The following VPS13C variants were observed in gnomAD, a reference collection of about 807,000 sequenced individuals.
VPS13C encodes the protein intermembrane lipid transfer protein VPS13C.
In VPS13C, 358 loss-of-function variants were observed where a neutral mutation model predicts 456.8. The ratio of observed to expected loss-of-function variants is 0.78; its 90% CI spans 0.72 to 0.86. The LOEUF is 0.86. VPS13C is among the 40% of genes least tolerant of loss of function. The pLI is 0.00. For missense variants in VPS13C, 4,818 were observed against 4,385.4 expected, an observed-to-expected ratio of 1.10 and a Z score of -2.79; for synonymous variants, 1,578 against 1,486.7, an observed-to-expected ratio of 1.06 and a Z score of -1.41.
chr15:62,052,905 C>A (rs1309989509), intron 1 of VPS13C, among the ~76,000 whole-genome samples: 1 of 152,080 alleles, frequency 6.6e-6, no homozygotes, highest in African/African-American at 2.4e-5. Context: ...GCTGCAACAT[C>A]ACCACTGAAC....
Position 61,878,761 on chromosome 15 carries a change from A to C in VPS13C, c.10003-15T>G. On this transcript the variant is annotated splice_polypyrimidine_tract_variant and intron_variant, in intron 73 of 84. Coordinates refer to ENST00000644861, the MANE Select transcript of VPS13C (RefSeq NM_020821.3). ...CTCAAATGCAACTAAAAGAAAAATA[A>C]TGTTCAATAAATGAAAGCTAAAAGT... The C allele has an allele frequency of 1.3e-6, 2 of 1,596,758 alleles. No homozygotes were observed.
At chr15:62,008,610 A>T in intron 14 of VPS13C, 45 bp downstream of exon 14, 1 of 1,373,910 alleles carries the variant, frequency 7.3e-7, no homozygotes, top group Non-Finnish European at 1.0e-6. Flanking sequence ...AACTAAATAT[A>T]TGATTATATG....
intron 16 of VPS13C, among the ~76,000 whole-genome samples, chr15:61,995,877 C>T (rs2046366530): frequency 6.6e-6 from 1 of 152,196 alleles, no homozygotes; most frequent in Non-Finnish European, 1.5e-5. Flanking sequence ...TGTTTCAAGC[C>T]ACTACGTTTG....
At chr15:62,025,391 G>A (rs948280780) in intron 6 of VPS13C, among the ~76,000 whole-genome samples, 6 of 152,026 alleles carry the variant, frequency 3.9e-5, no homozygotes, top group African/African-American at 1.2e-4. Context: ...CACTGTGAAA[G>A]TCACTGACTC....
At chr15:61,986,104 TACACATACACACACACACACCGGTAC>T (rs1567076212) in intron 18 of VPS13C, among the ~76,000 whole-genome samples, 1 of 148,920 alleles carries the variant, frequency 6.7e-6, no homozygotes, top group Non-Finnish European at 1.5e-5. Flanking sequence ...CTCTCACACA[TACACATACACACACACACACCGGTAC>T]ACACACACAC....
At chr15:61,860,289 C>T (rs1327941776) in intron 82 of VPS13C, among the ~76,000 whole-genome samples, 4 of 152,042 alleles carry the variant, frequency 2.6e-5, no homozygotes, top group African/African-American at 9.7e-5. Flanking sequence ...TTATTTTCTA[C>T]CCATCAAGCT....
At chr15:61,873,517 A>G (rs1179589547) in intron 77 of VPS13C, 108 bp from the exon 78 acceptor site, 7 of 1,121,774 alleles carry the variant, frequency 6.2e-6, no homozygotes, top group Non-Finnish European at 8.8e-6. Context: ...CGATCTGAAT[A>G]AATATTTCTG....
In VPS13C at chr15:61,858,087, G is replaced by A. The variant is rs1894020162; in HGVS notation, c.10953-1678C>T. Among the ~76,000 whole-genome samples the A allele has an allele frequency of 6.6e-6, 1 of 152,074 alleles. No individual in the cohort carries two copies. The highest frequency in any genetic ancestry group is 2.4e-5 in the African/African-American group (1 of 41,394). On this transcript the variant is annotated intron_variant, in intron 82 of 84. Transcript: ENST00000644861. This position sits in a 1 kb window ranked among gnomAD's most constrained non-coding sequence, Gnocchi z 4.4. ...GTCGATAATCAGCTGACAGAGCTAA[G>A]GATGGCTGTCACAAATCCTCGTGCC...
rs1279891396 is a variant in VPS13C, at chr15:61,874,933, CA to C, written c.10356del (p.Glu3453LysfsTer7). Reference protein sequence around the residue: ...YEPFQGAVQGPEEFAEGLVIG... With the variant: ...YEPFQGAVQGXEEFAEGLVIG... ...ATCACTAACCCCTCTGCAAATTCTT[CA>C]GGGCCTTGAACAGCACCCTGGCAAA... is the stretch of plus-strand genomic sequence containing the variant. On this transcript the variant is annotated frameshift_variant, in exon 77 of 85. Transcript: ENST00000644861. LOFTEE classifies it high-confidence loss of function. 1 of 1,587,002 alleles carries C rather than the reference CA, an allele frequency of 6.3e-7. No individual in the cohort carries two copies. The highest frequency in any genetic ancestry group is 8.6e-7 in the Non-Finnish European group (1 of 1,168,958).
chr15:61,983,797 A>T (rs757344768), intron 20 of VPS13C, 23 bp downstream of exon 20: 2 of 1,605,960 alleles, frequency 1.2e-6, no homozygotes, highest in African/African-American at 2.7e-5. Context: ...TTAAATAAAG[A>T]GTTACTTTCT....
intron 2 of VPS13C, among the ~76,000 whole-genome samples, chr15:62,041,776 C>T (rs542845228): frequency 8.7e-4 from 132 of 151,756 alleles, no homozygotes; most frequent in African/African-American, 2.9e-3. Context: ...GTCGGGATCG[C>T]GCCACTGCAC....
chr15:62,007,286 C>T (rs765717733), intron 15 of VPS13C, 22 bp downstream of exon 15: 3 of 1,531,968 alleles, frequency 2.0e-6, no homozygotes, highest in East Asian at 4.6e-5. Flanking sequence ...TAATAGCTCT[C>T]ACTAATATAT....
At chr15:61,942,995 T>C (rs191115608) in intron 45 of VPS13C, among the ~76,000 whole-genome samples, 158 of 151,964 alleles carry the variant, frequency 1.0e-3, no homozygotes, top group African/African-American at 3.6e-3. Flanking sequence ...GAGAGCCAAA[T>C]GAAGAACACA....
chr15:61,882,554 C>A, intron 69 of VPS13C, 42 bp downstream of exon 69: 2 of 1,439,848 alleles, frequency 1.4e-6, no homozygotes, highest in South Asian at 3.4e-5. Context: ...CCCAAGATTC[C>A]CAAAGTGATG....
At position 62,020,467 on chromosome 15, in the gene VPS13C, A is replaced by T. The variant is rs1452045012; in HGVS notation, c.684+12T>A. 1 of 1,606,446 alleles carries T rather than the reference A, an allele frequency of 6.2e-7. No homozygotes were observed. On this transcript the variant is annotated intron_variant, in intron 9 of 84. Coordinates refer to ENST00000644861, the MANE Select transcript of VPS13C (RefSeq NM_020821.3). The stretch of plus-strand genomic sequence containing the variant: ...CAGGTTCCATAGAAGTTTAAAATAA[A>T]GCAAACATTACCAGTAGACTAAGCT...
chr15:61,957,367 G>A (rs1488969593), intron 37 of VPS13C, among the ~76,000 whole-genome samples: 1 of 152,072 alleles, frequency 6.6e-6, no homozygotes, highest in Admixed American at 6.6e-5. Flanking sequence ...TGCTGAAAAT[G>A]TATTATATCT....
chr15:61,967,797 GT>G (rs981404357), intron 28 of VPS13C, among the ~76,000 whole-genome samples: 4 of 151,358 alleles, frequency 2.6e-5, no homozygotes, highest in Non-Finnish European at 5.9e-5. Flanking sequence ...CTTTGTTTTT[GT>G]TTTTTTTCCT....
Position 61,910,220 on chromosome 15 carries a change from TA to T in VPS13C, c.8800del (p.Tyr2934IlefsTer10). The T allele has an allele frequency of 6.7e-7, 1 of 1,500,532 alleles. No homozygotes were observed. Among genetic ancestry groups the T allele is most frequent in the Non-Finnish European group, 9.0e-7 (1 of 1,116,914 alleles). 93.0% of individuals were successfully genotyped at this position (1,500,532 alleles called of 1,614,324 possible). A position where few individuals can be genotyped will look rare whatever the true frequency, so the allele number is the denominator to read the frequency against. ...TAAAGTGCCATTATCCTGTCGGTTA[TA>T]AAAGAATGGTTTGGAAGATCCTTCA... The part of the protein sequence containing the change: ...GCEGSSKPFF[Y>X]NRQDNGTLLS... On this transcript the variant is annotated frameshift_variant, in exon 64 of 85. Coordinates refer to ENST00000644861, the MANE Select transcript of VPS13C (RefSeq NM_020821.3). LOFTEE classifies it high-confidence loss of function.
At chr15:61,916,843 T>C (rs1021217355) in intron 60 of VPS13C, among the ~76,000 whole-genome samples, 1 of 152,196 alleles carries the variant, frequency 6.6e-6, no homozygotes, top group Non-Finnish European at 1.5e-5. Flanking sequence ...AATCATAATA[T>C]TGACTTTAAA....
Sources: allele counts gnomAD v4.1 joint callset (sites outside exome capture counted in the v4.1 genomes callset), GRCh38; gene constraint gnomAD v4.1.1; non-coding constraint Gnocchi (gnomAD v3.1); transcripts MANE v1.5; gene names NCBI Gene and HGNC (gene_info 2026-07-23, HGNC 2026-07-21).